The following WWOX variants were observed in gnomAD, a reference collection of about 807,000 sequenced individuals.
WWOX encodes WW domain-containing oxidoreductase.
WWOX carries 69 observed loss-of-function variants against 46.2 expected under a neutral mutation model. The observed-to-expected ratio is 1.49, with a 90% confidence interval of 1.23 to 1.82. The LOEUF (loss-of-function observed/expected upper bound fraction) is 1.82. Among genes scored for constraint, WWOX ranks in the 40% most tolerant of loss-of-function variants. The pLI, the probability that WWOX is intolerant of heterozygous loss-of-function variation, is 0.00. For synonymous variants in WWOX, 359 were observed against 202.6 expected (o/e 1.77, Z -6.56); for missense variants, 919 against 542.6 (o/e 1.69, Z -6.89).
intron 5 of WWOX, among the ~76,000 whole-genome samples, chr16:78,245,049 T>C (rs2037773693): frequency 6.6e-6 from 1 of 152,244 alleles, no homozygotes; most frequent in Non-Finnish European, 1.5e-5. Flanking sequence ...TATGTACTCG[T>C]GATGGATTTG....
intron 8 of WWOX, among the ~76,000 whole-genome samples, chr16:78,601,991 G>C (rs1597331767): frequency 1.3e-5 from 2 of 152,262 alleles, no homozygotes; most frequent in South Asian, 4.1e-4. Flanking sequence ...AAATTATAGA[G>C]TCAGGCAAAC....
intron 8 of WWOX, among the ~76,000 whole-genome samples, chr16:78,608,477 A>C (rs1328401372): frequency 6.6e-6 from 1 of 152,202 alleles, no homozygotes; most frequent in East Asian, 1.9e-4. Flanking sequence ...CGACTTGGCC[A>C]CAGTGTTTTC....
At chr16:78,408,270 G>A (rs1037926800) in intron 6 of WWOX, among the ~76,000 whole-genome samples, 2 of 152,124 alleles carry the variant, frequency 1.3e-5, no homozygotes, top group Non-Finnish European at 2.9e-5. Flanking sequence ...TTCCTATGCT[G>A]TCATGCCCAC....
At chr16:79,103,115 C>G (rs556521464) in intron 8 of WWOX, among the ~76,000 whole-genome samples, 1 of 152,304 alleles carries the variant, frequency 6.6e-6, no homozygotes, top group Non-Finnish European at 1.5e-5. Context: ...GGTTAAGTCT[C>G]TGGGCATATT....
chr16:78,969,924 G>C (rs895331048), intron 8 of WWOX, among the ~76,000 whole-genome samples: 1 of 152,152 alleles, frequency 6.6e-6, no homozygotes, highest in African/African-American at 2.4e-5. Context: ...TTGTAAAGTT[G>C]ATTGTGGAAA....
At chr16:79,096,008 C>T (rs909459547) in intron 8 of WWOX, among the ~76,000 whole-genome samples, 5 of 133,158 alleles carry the variant, frequency 3.8e-5, no homozygotes, top group African/African-American at 1.5e-4. Flanking sequence ...CGCTGCCACA[C>T]CCGGATAATT....
In WWOX at chr16:78,222,344, G is replaced by GAA. The variant is rs397802718; in HGVS notation, c.516+58070_516+58071dup. 8.5e-3 allele frequency among the ~76,000 whole-genome samples: 1,148 copies of GAA among 135,440 alleles called. 42 individuals are homozygous for GAA. The East Asian group carries it at 0.096, about 11-fold the overall frequency. 88.9% of individuals were successfully genotyped at this position (135,440 alleles called of 152,430 possible). ...AGTTTGGCTGTGACACGACTTAATA[G>GAA]AAAAAAAAAAAAAAAAGGAGAAGTC... On this transcript the variant is annotated intron_variant, in intron 5 of 8. Transcript: ENST00000566780.
chr16:78,242,703 A>G (rs1273581003), intron 5 of WWOX, among the ~76,000 whole-genome samples: 2 of 152,128 alleles, frequency 1.3e-5, no homozygotes, highest in Non-Finnish European at 2.9e-5. Context: ...GCGGAAGCAG[A>G]AAGAATAAGA....
chr16:78,683,135 T>C (rs2047768904), intron 8 of WWOX, among the ~76,000 whole-genome samples: 1 of 152,176 alleles, frequency 6.6e-6, no homozygotes, highest in Non-Finnish European at 1.5e-5. Flanking sequence ...CGATTTCCAG[T>C]TTCCAAAAGA....
intron 5 of WWOX, among the ~76,000 whole-genome samples, chr16:78,329,572 T>C (rs1030564258): frequency 1.3e-5 from 2 of 152,198 alleles, no homozygotes; most frequent in African/African-American, 2.4e-5. Context: ...GGATGAACTT[T>C]GTGGCATCTG....
At chr16:78,151,573 G>A (rs1243918276) in intron 4 of WWOX, among the ~76,000 whole-genome samples, 1 of 152,170 alleles carries the variant, frequency 6.6e-6, no homozygotes, top group Non-Finnish European at 1.5e-5. Flanking sequence ...TATAAATCAG[G>A]ATGCTCAGGA....
chr16:78,479,708 G>C (rs1247958115), intron 8 of WWOX, among the ~76,000 whole-genome samples: 1 of 152,158 alleles, frequency 6.6e-6, no homozygotes, highest in Non-Finnish European at 1.5e-5. Flanking sequence ...TTGGGAACAA[G>C]GGCCAGGACA....
intron 6 of WWOX, among the ~76,000 whole-genome samples, chr16:78,402,430 T>G (rs1322821971): frequency 1.3e-5 from 2 of 152,228 alleles, no homozygotes; most frequent in Admixed American, 6.5e-5. Flanking sequence ...AAGATGCTGC[T>G]ATGAACATTA....
At chr16:78,679,762 T>G (rs2047686355) in intron 8 of WWOX, among the ~76,000 whole-genome samples, 1 of 152,212 alleles carries the variant, frequency 6.6e-6, no homozygotes, top group Non-Finnish European at 1.5e-5. Flanking sequence ...TGTCCAAACA[T>G]CTTCTCATTG....
chr16:78,463,150 C>G (rs2083992182), intron 8 of WWOX, among the ~76,000 whole-genome samples: 1 of 152,078 alleles, frequency 6.6e-6, no homozygotes, highest in African/African-American at 2.4e-5. Flanking sequence ...GGTTGGCATG[C>G]CAGAGTGAAA....
At chr16:78,724,308 C>G (rs945834794) in intron 8 of WWOX, among the ~76,000 whole-genome samples, 1 of 152,148 alleles carries the variant, frequency 6.6e-6, no homozygotes, top group African/African-American at 2.4e-5. Context: ...TTCATTATCT[C>G]TGTGATTAAC....
chr16:78,443,665 T>C (rs1346057817), intron 8 of WWOX, among the ~76,000 whole-genome samples: 1 of 152,248 alleles, frequency 6.6e-6, no homozygotes, highest in African/African-American at 2.4e-5. Flanking sequence ...AATTATTTAA[T>C]GAACATTTAA....
intron 5 of WWOX, among the ~76,000 whole-genome samples, chr16:78,250,341 C>G (rs1286913661): frequency 3.3e-5 from 5 of 152,196 alleles, no homozygotes; most frequent in Non-Finnish European, 7.3e-5. Flanking sequence ...AGCTGTGTAA[C>G]TTTAGGCAAA....
At chr16:78,718,497 A>G (rs1425718826) in intron 8 of WWOX, among the ~76,000 whole-genome samples, 1 of 152,146 alleles carries the variant, frequency 6.6e-6, no homozygotes, top group Non-Finnish European at 1.5e-5. Flanking sequence ...AGAACACATG[A>G]TGTTCAATAA....
Sources: allele counts gnomAD v4.1 joint callset (sites outside exome capture counted in the v4.1 genomes callset), GRCh38; gene constraint gnomAD v4.1.1; transcripts MANE v1.5; gene names NCBI Gene and HGNC (gene_info 2026-07-23, HGNC 2026-07-21).